Variants in PDE11A observed in about 807,000 individuals in gnomAD.
The protein encoded by PDE11A is dual 3',5'-cyclic-AMP and -GMP phosphodiesterase 11A.
A neutral mutation model predicts 100.5 loss-of-function variants in PDE11A; 100 were observed. The ratio of observed to expected loss-of-function variants is 1.00; its 90% CI spans 0.85 to 1.18. The LOEUF is 1.18. Among genes scored for constraint, PDE11A ranks in the 50% most tolerant of loss-of-function variants. The probability of loss-of-function intolerance (pLI) is 0.00; values close to 1 mark genes in which losing one functional copy is unlikely to be tolerated. For synonymous variants in PDE11A, 381 were observed against 420.8 expected (o/e 0.91, Z 1.16); for missense variants, 1,141 against 1,152.6 (o/e 0.99, Z 0.15).
At chr2:177,784,648 T>C (rs970559231) in intron 9 of PDE11A, among the ~76,000 whole-genome samples, 2 of 152,352 alleles carry the variant, frequency 1.3e-5, no homozygotes, top group Admixed American at 1.3e-4. Context: ...CACTTTACTC[T>C]ATCACTTTAT....
chr2:177,773,694 G>A (rs2082342506), intron 9 of PDE11A, among the ~76,000 whole-genome samples: 2 of 152,184 alleles, frequency 1.3e-5, no homozygotes, highest in Admixed American at 6.5e-5. Flanking sequence ...AGGACTCCAA[G>A]AACCAGTAGA....
chr2:177,908,552 G>A (rs1476467960), intron 2 of PDE11A, among the ~76,000 whole-genome samples: 2 of 152,086 alleles, frequency 1.3e-5, no homozygotes, highest in Non-Finnish European at 2.9e-5. Context: ...GAAAGGAAGG[G>A]GCCCATCAGG....
At chr2:178,008,935 A>C (rs955568729) in intron 2 of PDE11A, among the ~76,000 whole-genome samples, 1 of 152,226 alleles carries the variant, frequency 6.6e-6, no homozygotes, top group African/African-American at 2.4e-5. Flanking sequence ...ACCTACAGAG[A>C]TTAGCCAAAG....
chr2:178,087,724 AAAAAT>A (rs1559067927), intron 2 of PDE11A, among the ~76,000 whole-genome samples: 1 of 152,210 alleles, frequency 6.6e-6, no homozygotes, highest in African/African-American at 2.4e-5. Context: ...TTTAAAAAAC[AAAAAT>A]AAAATAAAAT....
chr2:177,752,170 C>A (rs2082034225), intron 10 of PDE11A, among the ~76,000 whole-genome samples: 1 of 152,200 alleles, frequency 6.6e-6, no homozygotes, highest in Admixed American at 6.5e-5. Context: ...TATTTCATAT[C>A]ATCTCCAAAA....
intron 9 of PDE11A, among the ~76,000 whole-genome samples, chr2:177,773,337 C>T (rs1249253423): frequency 1.3e-5 from 2 of 152,086 alleles, no homozygotes; most frequent in Non-Finnish European, 2.9e-5. Context: ...TTTTACTGCC[C>T]CCGAGTTGTG....
At chr2:177,935,240 A>C (rs564168073) in intron 2 of PDE11A, among the ~76,000 whole-genome samples, 136 of 152,166 alleles carry the variant, frequency 8.9e-4, no homozygotes, top group Non-Finnish European at 1.5e-3. Flanking sequence ...GTAATTACTC[A>C]TGGCCCTCCA....
At chr2:178,039,915 TAGG>T (rs2086663181) in intron 1 of PDE11A, among the ~76,000 whole-genome samples, 1 of 151,982 alleles carries the variant, frequency 6.6e-6, no homozygotes, top group Admixed American at 6.5e-5. Context: ...GCATATTGTA[TAGG>T]AAAACAAAGA....
intron 2 of PDE11A, among the ~76,000 whole-genome samples, chr2:178,094,701 AC>A (rs2087467420): frequency 6.6e-6 from 1 of 152,178 alleles, no homozygotes; most frequent in Non-Finnish European, 1.5e-5. Context: ...GTAAAGAAAT[AC>A]CCAAGACTGG....
intron 2 of PDE11A, among the ~76,000 whole-genome samples, chr2:177,956,926 T>G (rs546087800): frequency 6.6e-6 from 1 of 151,968 alleles, no homozygotes; most frequent in South Asian, 2.1e-4. Flanking sequence ...GGGGGAGGGA[T>G]AGCATTTAGA....
intron 19 of PDE11A, among the ~76,000 whole-genome samples, chr2:177,632,668 T>C (rs544453348): frequency 8.5e-5 from 13 of 152,314 alleles, no homozygotes; most frequent in African/African-American, 2.9e-4. Flanking sequence ...TTTGGCCCTC[T>C]TGACTCCATT....
At chr2:178,019,968 C>A (rs960531349) in intron 1 of PDE11A, among the ~76,000 whole-genome samples, 2 of 152,184 alleles carry the variant, frequency 1.3e-5, no homozygotes, top group African/African-American at 2.4e-5. Context: ...CCCCTGACTG[C>A]ATCTGAAAAT....
At chr2:177,857,267 C>T (rs2083853196) in intron 5 of PDE11A, among the ~76,000 whole-genome samples, 1 of 151,716 alleles carries the variant, frequency 6.6e-6, no homozygotes, top group African/African-American at 2.4e-5. Flanking sequence ...AATTTGTTTC[C>T]AGTAGACCTG....
rs1229650415 is a variant in PDE11A, at chr2:178,071,795, C to T, written c.643G>A (p.Asp215Asn). The stretch of plus-strand genomic sequence containing the variant: ...TAGCTCAGGCTGGTGAGGTCAAGGT[C>T]ATTGGAGATATCTTTGACCAATTCC... ...FLELVKDISN[D>N]LDLTSLSYKI... Residue 215 changes from aspartate (D) to asparagine (N), a missense_variant, in exon 1 of 20, where the codon GAC becomes AAC. Transcript: ENST00000286063. 1 of 1,613,018 alleles carries T rather than the reference C, an allele frequency of 6.2e-7. No individual in the cohort carries two copies. The highest frequency in any genetic ancestry group is 8.5e-7 in the Non-Finnish European group (1 of 1,179,118).
chr2:177,987,126 T>A (rs1574324909), intron 2 of PDE11A, among the ~76,000 whole-genome samples: 1 of 151,828 alleles, frequency 6.6e-6, no homozygotes, highest in Admixed American at 6.6e-5. Context: ...CCCAAATATG[T>A]CCCCCACCAG....
At chr2:178,059,349 C>T in intron 1 of PDE11A, among the ~76,000 whole-genome samples, 1 of 152,054 alleles carries the variant, frequency 6.6e-6, no homozygotes, top group East Asian at 1.9e-4. Context: ...GCCGGCAGCA[C>T]CATGGCATGT....
At chr2:177,647,869 G>C (rs1187431992) in intron 19 of PDE11A, among the ~76,000 whole-genome samples, 4 of 152,116 alleles carry the variant, frequency 2.6e-5, no homozygotes, top group African/African-American at 7.2e-5. Context: ...CCTGATCTTT[G>C]GGGGGCTGAG....
At position 177,910,370 on chromosome 2, in the gene PDE11A, C is replaced by T. The variant is rs573131460; in HGVS notation, c.1072-5183G>A. ...AAAATGAAAAACAAAATATTTTAAT[C>T]TTTTTTTTCAGTCCCAGTGTTACAG... On this transcript the variant is annotated intron_variant, in intron 2 of 19. Coordinates refer to ENST00000286063, the MANE Select transcript of PDE11A (RefSeq NM_016953.4). Among the ~76,000 whole-genome samples the T allele has an allele frequency of 3.3e-5, 5 of 151,792 alleles. No homozygotes were observed. In the East Asian group the frequency reaches 9.7e-4, roughly 29 times the overall value.
chr2:177,686,055 T>C (rs1559142680), intron 15 of PDE11A, among the ~76,000 whole-genome samples: 1 of 152,236 alleles, frequency 6.6e-6, no homozygotes, highest in Non-Finnish European at 1.5e-5. Context: ...GAACATCCAG[T>C]ATTCCTAGGG....
Sources: allele counts gnomAD v4.1 joint callset (sites outside exome capture counted in the v4.1 genomes callset), GRCh38; gene constraint gnomAD v4.1.1; transcripts MANE v1.5; gene names NCBI Gene and HGNC (gene_info 2026-07-23, HGNC 2026-07-21).